PLCB1: variants seen among roughly 807,000 people sequenced by gnomAD.
PLCB1 encodes phospholipase C beta 1.
PLCB1 carries 46 observed loss-of-function variants against 161.8 expected under a neutral mutation model. The ratio of observed to expected loss-of-function variants is 0.28; its 90% CI spans 0.22 to 0.36. PLCB1 has a LOEUF of 0.36. Ranked by LOEUF, PLCB1 falls within the 10% of genes least tolerant of loss-of-function variation. The probability of loss-of-function intolerance (pLI) is 1.00; values close to 1 mark genes in which losing one functional copy is unlikely to be tolerated. For missense variants in PLCB1, 1,016 were observed against 1,472.5 expected (o/e 0.69, Z 5.07); for synonymous variants, 517 against 503.7 (o/e 1.03, Z -0.35).
intron 4 of PLCB1, among the ~76,000 whole-genome samples, chr20:8,633,228 G>A (rs1206386536): frequency 6.6e-6 from 1 of 151,890 alleles, no homozygotes; most frequent in African/African-American, 2.4e-5. Context: ...AATCAAAGAC[G>A]ATGTTAAAGT....
intron 31 of PLCB1, among the ~76,000 whole-genome samples, chr20:8,826,089 G>A (rs1985682175): frequency 6.6e-6 from 1 of 152,192 alleles, no homozygotes; most frequent in Non-Finnish European, 1.5e-5. Flanking sequence ...AAGTCATGTG[G>A]ATGGTGAAAT....
At chr20:8,658,810 T>C in intron 9 of PLCB1, 106 bp downstream of exon 9, 2 of 894,812 alleles carry the variant, frequency 2.2e-6, no homozygotes, top group Non-Finnish European at 3.4e-6. Flanking sequence ...TTTCCTCTGT[T>C]TACAAGGCAT....
chr20:8,601,143 T>G (rs1255946025), intron 3 of PLCB1, among the ~76,000 whole-genome samples: 1 of 151,976 alleles, frequency 6.6e-6, no homozygotes, highest in Admixed American at 6.5e-5. Context: ...ATACAAAATA[T>G]AAGGAGCAAA....
At chr20:8,628,470 T>C (rs746718980) in intron 4 of PLCB1, 39 bp downstream of exon 4, 1 of 1,608,592 alleles carries the variant, frequency 6.2e-7, no homozygotes, top group Non-Finnish European at 8.5e-7. Context: ...ATCATCATGA[T>C]CTGAATCCTT....
At chr20:8,515,273 T>C (rs1164952059) in intron 3 of PLCB1, among the ~76,000 whole-genome samples, 1 of 152,240 alleles carries the variant, frequency 6.6e-6, no homozygotes, top group Non-Finnish European at 1.5e-5. Flanking sequence ...ATCTGCTTCA[T>C]TATAACAGCA....
At chr20:8,654,384 C>T (rs553849068) in intron 7 of PLCB1, among the ~76,000 whole-genome samples, 2 of 152,156 alleles carry the variant, frequency 1.3e-5, no homozygotes, top group Non-Finnish European at 2.9e-5. Context: ...TGATGGACCA[C>T]GTCCTGGATT....
At chr20:8,327,131 C>T (rs552924627) in intron 2 of PLCB1, among the ~76,000 whole-genome samples, 67 of 152,250 alleles carry the variant, frequency 4.4e-4, no homozygotes, top group African/African-American at 1.2e-3. Flanking sequence ...AGTTATCCAC[C>T]CACCTTGGAC....
intron 26 of PLCB1, among the ~76,000 whole-genome samples, chr20:8,768,626 T>C (rs890540271): frequency 2.6e-5 from 4 of 152,186 alleles, no homozygotes; most frequent in Non-Finnish European, 5.9e-5. Context: ...ATCACCCACA[T>C]TGGATAAGAG....
intron 3 of PLCB1, among the ~76,000 whole-genome samples, chr20:8,624,911 A>C (rs981134221): frequency 5.9e-5 from 9 of 152,166 alleles, no homozygotes; most frequent in Admixed American, 2.6e-4. Context: ...AGCTGTGGAG[A>C]TACATCTAGG....
intron 23 of PLCB1, among the ~76,000 whole-genome samples, chr20:8,755,576 A>G (rs1033340395): frequency 2.6e-5 from 4 of 152,300 alleles, no homozygotes; most frequent in African/African-American, 9.6e-5. Context: ...AACATTTTTA[A>G]ACTGTTTACT....
chr20:8,666,061 C>T (rs570890667), intron 9 of PLCB1, among the ~76,000 whole-genome samples: 1 of 152,300 alleles, frequency 6.6e-6, no homozygotes, highest in Admixed American at 6.5e-5. Context: ...CCAGGGACTG[C>T]ATGCCTCAGG....
At chr20:8,249,356 C>T (rs1412934019) in intron 2 of PLCB1, 1 of 151,826 alleles carries the variant, frequency 6.6e-6, no homozygotes, top group Non-Finnish European at 1.5e-5. Context: ...TTAGAAATTG[C>T]TAATAAGCAA....
At position 8,577,802 on chromosome 20, in the gene PLCB1, T is replaced by G. The variant is rs369487302; in HGVS notation, c.247-50492T>G. On this transcript the variant is annotated intron_variant, in intron 3 of 31. Transcript: ENST00000338037. ...TTTTTCTCCCCTTTCTGTCTTCCTC[T>G]TTTGATTTTGTTTTCAATGTTAAAA... Among the ~76,000 whole-genome samples the G allele has an allele frequency of 1.6e-3, 250 of 152,312 alleles. 3 individuals carry two copies. Among genetic ancestry groups the G allele is most frequent in the South Asian group, 7.2e-3 (35 of 4,830 alleles).
chr20:8,876,118 A>C (rs1045556199), intron 31 of PLCB1, among the ~76,000 whole-genome samples: 2 of 152,186 alleles, frequency 1.3e-5, no homozygotes, highest in Non-Finnish European at 2.9e-5. Context: ...ATGTCTTTTG[A>C]AAATCAAGTT....
chr20:8,237,841 T>C (rs1980405210), intron 2 of PLCB1, among the ~76,000 whole-genome samples: 1 of 152,102 alleles, frequency 6.6e-6, no homozygotes, highest in African/African-American at 2.4e-5. Flanking sequence ...AAAAATTGTC[T>C]TTTTCTTTGC....
At chr20:8,802,955 A>C (rs1984355614) in intron 31 of PLCB1, among the ~76,000 whole-genome samples, 1 of 152,246 alleles carries the variant, frequency 6.6e-6, no homozygotes, top group Admixed American at 6.5e-5. Flanking sequence ...TGTGATTATA[A>C]ATAAAGCAAA....
intron 3 of PLCB1, among the ~76,000 whole-genome samples, chr20:8,611,387 G>A (rs1171907853): frequency 2.0e-5 from 3 of 152,158 alleles, no homozygotes; most frequent in South Asian, 2.1e-4. Context: ...AAATTAAAAC[G>A]ACATCAGTAA....
intron 3 of PLCB1, among the ~76,000 whole-genome samples, chr20:8,595,883 G>A: frequency 8.1e-6 from 1 of 122,758 alleles, no homozygotes; most frequent in African/African-American, 3.0e-5. Flanking sequence ...GTGTTTTTTG[G>A]CTGCATAAAT....
chr20:8,614,484 G>C (rs1987993535), intron 3 of PLCB1, among the ~76,000 whole-genome samples: 1 of 151,820 alleles, frequency 6.6e-6, no homozygotes. Context: ...CAAATTAAGA[G>C]GGAAATATAT....
Sources: gnomAD v4.1 joint callset for allele counts (sites outside exome capture counted in the v4.1 genomes callset) on GRCh38, gnomAD v4.1.1 for gene constraint, MANE v1.5 for transcripts, NCBI Gene and HGNC (gene_info 2026-07-23, HGNC 2026-07-21) for gene names.